BEGAIN: variants seen among roughly 807,000 people sequenced by gnomAD.
BEGAIN encodes brain-enriched guanylate kinase-associated protein.
Under a neutral mutation model 35.8 loss-of-function variants are expected in BEGAIN, and 19 were observed. The ratio of observed to expected loss-of-function variants is 0.53; its 90% confidence interval spans 0.37 to 0.78. The LOEUF is 0.78. Among genes scored for constraint, BEGAIN ranks in the 30% least tolerant of loss-of-function variants. BEGAIN has a pLI of 0.00. For synonymous variants in BEGAIN, 462 were observed against 388.6 expected, an observed-to-expected ratio of 1.19 and a Z score of -2.22; for missense variants, 795 against 853.6, an observed-to-expected ratio of 0.93 and a Z score of 0.85.
intron 2 of BEGAIN, among the ~76,000 whole-genome samples, chr14:100,552,655 G>C (rs776298364): frequency 1.3e-5 from 2 of 152,234 alleles, no homozygotes; most frequent in Non-Finnish European, 2.9e-5. Flanking sequence ...GCCGTGACCT[G>C]TGGGACCGTG....
rs2035437181 is a variant in BEGAIN at position 100,586,014 on chromosome 14, C to A, written c.42+1235G>T. ...AAGGGTTTGCAGGATGCTGCTGGGG[C>A]CCTCTCTGCCGTCTCCCCGCCCTGC... On this transcript the variant is annotated intron_variant, in intron 1 of 6. Transcript: ENST00000554140. This position sits in a 1 kb window ranked among gnomAD's most constrained non-coding sequence, Gnocchi z 4.9. Among the ~76,000 whole-genome samples, 2 of 152,214 alleles carry A rather than the reference C, an allele frequency of 1.3e-5. No homozygotes were observed. Among genetic ancestry groups the A allele is most frequent in the South Asian group, 2.1e-4 (1 of 4,836 alleles).
chr14:100,550,058 C>T (rs974367916), intron 2 of BEGAIN, among the ~76,000 whole-genome samples: 1 of 152,132 alleles, frequency 6.6e-6, no homozygotes, highest in East Asian at 1.9e-4. Context: ...TGCACGTGTG[C>T]GTGTGTGTGG....
At position 100,560,458 on chromosome 14, in the gene BEGAIN, A is replaced by AT. The variant is rs146672159; in HGVS notation, c.71+7452dup. On this transcript the variant is annotated intron_variant, in intron 2 of 6. Coordinates refer to ENST00000554140, the MANE Select transcript of BEGAIN (RefSeq NM_001385089.1). Reference sequence around the variant, plus strand: ...GTGCCTCTTCTGGCCCTCACCGGGGATCCCCCAGACACATGGCTGGGGCCT... The same window carrying AT: ...GTGCCTCTTCTGGCCCTCACCGGGGATTCCCCCAGACACATGGCTGGGGCCT... Among the ~76,000 whole-genome samples, 456 of 152,160 alleles carry AT rather than the reference A, an allele frequency of 3.0e-3. 2 individuals are homozygous for AT. Among genetic ancestry groups the AT allele is most frequent in the African/African-American group, 0.01 (422 of 41,514 alleles).
intron 3 of BEGAIN, chr14:100,545,513 C>T: frequency 1.2e-5 from 10 of 865,232 alleles, no homozygotes; most frequent in Non-Finnish European, 1.2e-5. Context: ...TCACAGTGAA[C>T]AAGACTCGGT....
intron 1 of BEGAIN, among the ~76,000 whole-genome samples, chr14:100,578,794 T>G (rs74496258): frequency 0.027 from 4,145 of 151,250 alleles, 204 homozygotes; most frequent in African/African-American, 0.094. Flanking sequence ...ACAAAAGGAA[T>G]CCGGATATCT....
chr14:100,546,586 C>A lies in BEGAIN; in HGVS notation c.148G>T (p.Glu50Ter). The A allele has an allele frequency of 6.3e-7, 1 of 1,592,148 alleles. No homozygotes were observed. Among genetic ancestry groups the A allele is most frequent in the East Asian group, 2.4e-5 (1 of 42,396 alleles). ...AGGTAGTGGCGCGTGGAGTCGAACT[C>A]GGTCTCGAGCTTCTCGAGCTTGTGT... is the stretch of plus-strand genomic sequence containing the variant. Reference protein sequence around the residue: ...TTHKLEKLETEFDSTRHYLEI... With the variant: ...TTHKLEKLET Residue 50 changes from glutamate to a stop codon, truncating the protein, a stop_gained, in exon 3 of 7, where the codon GAG (glutamate) becomes TAG (stop). Coordinates refer to ENST00000554140, the MANE Select transcript of BEGAIN (RefSeq NM_001385089.1). LOFTEE classifies it high-confidence loss of function.
chr14:100,570,964 A>G lies in BEGAIN; in HGVS notation c.43-3025T>C, dbSNP rs147485397. 8.0e-3 allele frequency among the ~76,000 whole-genome samples: 1,211 copies of G among 152,244 alleles called. 18 individuals are homozygous for G. Among genetic ancestry groups the G allele is most frequent in the African/African-American group, 0.027 (1,140 of 41,560 alleles). On this transcript the variant is annotated intron_variant, in intron 1 of 6. Coordinates refer to ENST00000554140, the MANE Select transcript of BEGAIN (RefSeq NM_001385089.1). ...GGTCTTGGGCCAGTGGGTGGGGGCC[A>G]TGAGGATGAGGAGTCTGTGGGGTGC...
chr14:100,542,586 A>G (rs1279033886), intron 5 of BEGAIN, among the ~76,000 whole-genome samples: 1 of 152,178 alleles, frequency 6.6e-6, no homozygotes, highest in East Asian at 1.9e-4. Flanking sequence ...AATGGCAGGC[A>G]ACTCCTTTTG....
chr14:100,550,847 C>CGG (rs1384807889), intron 2 of BEGAIN, among the ~76,000 whole-genome samples: 1 of 152,274 alleles, frequency 6.6e-6, no homozygotes, highest in East Asian at 1.9e-4. Flanking sequence ...CATCACTGGG[C>CGG]GGGGGGCGCA....
intron 2 of BEGAIN, chr14:100,550,411 G>GT (rs896461847): frequency 1.5e-5 from 6 of 399,050 alleles, no homozygotes; most frequent in African/African-American, 8.2e-5. Context: ...GAGACAACAG[G>GT]TATGTTACCT....
chr14:100,562,372 C>G (rs2034334200), intron 2 of BEGAIN, among the ~76,000 whole-genome samples: 1 of 152,124 alleles, frequency 6.6e-6, no homozygotes, highest in Non-Finnish European at 1.5e-5. Flanking sequence ...CTGTCTAGGA[C>G]AGGGGCCTGC....
At chr14:100,546,778 GCGCACACACACACACACACA>G (rs2032555795) in intron 2 of BEGAIN, 116 bp from the exon 3 acceptor site, 5 of 540,530 alleles carry the variant, frequency 9.3e-6, no homozygotes, top group African/African-American at 2.8e-5. Flanking sequence ...GCGCGCGCGC[GCGCACACACACACACACACA>G]CACACACACA....
chr14:100,538,700 TGGC>T lies in BEGAIN; in HGVS notation c.1105_1107del (p.Ala369del), dbSNP rs2031023010. 1.3e-6 allele frequency: 2 copies of T among 1,559,794 alleles called. No individual in the cohort carries two copies. Among genetic ancestry groups the T allele is most frequent in the Non-Finnish European group, 1.7e-6 (2 of 1,152,308 alleles). On this transcript the variant is annotated inframe_deletion, in exon 7 of 7. Transcript: ENST00000554140. ...GGGGCCGCCACCGCGGCCGTGGCCTTGGCAAAGCGAGGGCTGCCCTCGTAGGTG... is the reference window on the plus strand; with the variant it reads ...GGGGCCGCCACCGCGGCCGTGGCCTTAAAGCGAGGGCTGCCCTCGTAGGTG...
chr14:100,538,263 G>T lies in BEGAIN; in HGVS notation c.1545C>A (p.Gly515=), dbSNP rs754375803. Residue 515 remains glycine, a synonymous_variant, in exon 7 of 7, where the codon GGC becomes GGA. Coordinates refer to ENST00000554140, the MANE Select transcript of BEGAIN (RefSeq NM_001385089.1). ...HLAEPCFLRA[G]GDLSLSPGRS... is the part of the protein sequence containing the mutation. Reference sequence around the variant, plus strand: ...GGCCGGGACTGAGGCTCAGGTCGCCGCCCGCCCGCAGGAAGCAGGGCTCTG... The same window carrying T: ...GGCCGGGACTGAGGCTCAGGTCGCCTCCCGCCCGCAGGAAGCAGGGCTCTG... 1 of 1,563,054 alleles carries T rather than the reference G, an allele frequency of 6.4e-7. No homozygotes were observed. Among genetic ancestry groups the T allele is most frequent in the Admixed American group, 1.8e-5 (1 of 54,908 alleles).
intron 1 of BEGAIN, among the ~76,000 whole-genome samples, chr14:100,574,784 C>G (rs1487255872): frequency 2.0e-5 from 3 of 152,100 alleles, no homozygotes; most frequent in African/African-American, 7.2e-5. Context: ...GGCAGAGTGA[C>G]TTATTCAAGG....
intron 2 of BEGAIN, among the ~76,000 whole-genome samples, chr14:100,557,017 G>C: frequency 6.6e-6 from 1 of 152,296 alleles, no homozygotes; most frequent in African/African-American, 2.4e-5. Context: ...ACACGAGTCA[G>C]GGCAGGCCAA....
chr14:100,544,885 T>C, intron 4 of BEGAIN, 115 bp downstream of exon 4: 2 of 1,027,960 alleles, frequency 1.9e-6, no homozygotes, highest in African/African-American at 1.6e-5. Flanking sequence ...GAGAAAGGGG[T>C]GGGACCAGCA....
Position 100,546,778 on chromosome 14 carries a change from G to GCA in BEGAIN, c.72-117_72-116insTG, listed in dbSNP as rs1230934370. On this transcript the variant is annotated intron_variant, in intron 2 of 6. Coordinates refer to ENST00000554140, the MANE Select transcript of BEGAIN (RefSeq NM_001385089.1). ...CGCGAGTACCGGCGCGCGCGCGCGC[G>GCA]CGCACACACACACACACACACACAC... 1,264 of 541,584 alleles carry GCA rather than the reference G, an allele frequency of 2.3e-3. 3 individuals are homozygous for GCA. Among genetic ancestry groups the GCA allele is most frequent in the African/African-American group, 0.011 (386 of 36,412 alleles). The allele number at this position is 541,584 out of a possible 1,614,324, so 33.5% of individuals were successfully genotyped here. A position where few individuals can be genotyped will look rare whatever the true frequency, so the allele number is the denominator to read the frequency against.
intron 5 of BEGAIN, among the ~76,000 whole-genome samples, chr14:100,541,855 G>A (rs954192793): frequency 6.6e-6 from 1 of 152,240 alleles, no homozygotes; most frequent in Non-Finnish European, 1.5e-5. Context: ...GCTCGGGGAG[G>A]AAATGCTCAC....
Sources: allele counts gnomAD v4.1 joint callset (sites outside exome capture counted in the v4.1 genomes callset), GRCh38; gene constraint gnomAD v4.1.1; non-coding constraint Gnocchi (gnomAD v3.1); transcripts MANE v1.5; gene names NCBI Gene and HGNC (gene_info 2026-07-23, HGNC 2026-07-21).